GALNTL6: variants seen among roughly 807,000 people sequenced by gnomAD.
GALNTL6 encodes polypeptide N-acetylgalactosaminyltransferase like 6.
In GALNTL6, 46 loss-of-function variants were observed where a neutral mutation model predicts 73.7. The observed-to-expected ratio is 0.62, with a 90% CI of 0.49 to 0.80. The LOEUF (loss-of-function observed/expected upper bound fraction) is 0.80. GALNTL6 is among the 30% of genes least tolerant of loss of function. The pLI, the probability that GALNTL6 is intolerant of heterozygous loss-of-function variation, is 0.00. For missense variants in GALNTL6, 604 were observed against 755.0 expected, an observed-to-expected ratio of 0.80 and a Z score of 2.34; for synonymous variants, 259 against 263.7, an observed-to-expected ratio of 0.98 and a Z score of 0.17.
intron 7 of GALNTL6, among the ~76,000 whole-genome samples, chr4:172,814,756 G>C (rs1741505769): frequency 6.6e-6 from 1 of 152,090 alleles, no homozygotes; most frequent in South Asian, 2.1e-4. Context: ...TAATGATCAG[G>C]AAAATATTTC....
At chr4:171,874,061 G>A (rs1736208351) in intron 2 of GALNTL6, among the ~76,000 whole-genome samples, 1 of 152,116 alleles carries the variant, frequency 6.6e-6, no homozygotes, top group African/African-American at 2.4e-5. Flanking sequence ...CTGTTTTTTA[G>A]TTTCTGTCTA....
intron 5 of GALNTL6, among the ~76,000 whole-genome samples, chr4:172,474,077 A>G (rs1279509222): frequency 1.3e-5 from 2 of 152,058 alleles, no homozygotes; most frequent in African/African-American, 4.8e-5. Context: ...GATCCTGCAC[A>G]CAAGCCTACT....
chr4:171,994,239 C>A (rs573093341), intron 2 of GALNTL6, among the ~76,000 whole-genome samples: 1 of 152,154 alleles, frequency 6.6e-6, no homozygotes, highest in Admixed American at 6.6e-5. Flanking sequence ...ACTGTTGGAG[C>A]GGCCACTCAA....
In GALNTL6 at chr4:172,682,798, T is replaced by A. The variant is rs554970030; in HGVS notation, c.554-126563T>A. Among the ~76,000 whole-genome samples the A allele has an allele frequency of 2.0e-5, 3 of 152,154 alleles. No individual in the cohort carries two copies. The South Asian group carries it at 6.2e-4, about 32-fold the overall frequency. On this transcript the variant is annotated intron_variant, in intron 5 of 12. Coordinates refer to ENST00000506823, the MANE Select transcript of GALNTL6 (RefSeq NM_001034845.3). Reference sequence around the variant, plus strand: ...TTTTAACCTGGTCAGTTCCAGGAAGTATTGCAAACAGATTTTTATTTGGCC... The same window carrying A: ...TTTTAACCTGGTCAGTTCCAGGAAGAATTGCAAACAGATTTTTATTTGGCC...
intron 2 of GALNTL6, among the ~76,000 whole-genome samples, chr4:171,988,140 T>C (rs946227318): frequency 1.3e-5 from 2 of 152,170 alleles, no homozygotes; most frequent in African/African-American, 4.8e-5. Flanking sequence ...AGGGCTAGGC[T>C]AAAACAGTAG....
At chr4:172,719,831 G>T (rs763474025) in intron 5 of GALNTL6, among the ~76,000 whole-genome samples, 3 of 152,134 alleles carry the variant, frequency 2.0e-5, no homozygotes, top group Admixed American at 6.5e-5. Context: ...GAGCAGCCCC[G>T]AGGGCTGCTG....
intron 2 of GALNTL6, among the ~76,000 whole-genome samples, chr4:172,149,223 A>G (rs1487474821): frequency 6.6e-6 from 1 of 152,232 alleles, no homozygotes; most frequent in Non-Finnish European, 1.5e-5. Flanking sequence ...CAGTATATCT[A>G]TATAACAGAC....
chr4:172,414,001 A>C (rs1744535475), intron 5 of GALNTL6, among the ~76,000 whole-genome samples: 1 of 152,176 alleles, frequency 6.6e-6, no homozygotes, highest in South Asian at 2.1e-4. Context: ...ACTGAATCAC[A>C]GGGAAGTTCG....
intron 2 of GALNTL6, among the ~76,000 whole-genome samples, chr4:171,865,406 C>T (rs1395014100): frequency 6.6e-6 from 1 of 152,014 alleles, no homozygotes; most frequent in Non-Finnish European, 1.5e-5. Flanking sequence ...TGTAGAGGAA[C>T]TAATAGAAAA....
intron 5 of GALNTL6, among the ~76,000 whole-genome samples, chr4:172,709,702 A>G (rs1469607414): frequency 1.3e-5 from 2 of 152,218 alleles, no homozygotes; most frequent in African/African-American, 4.8e-5. Flanking sequence ...CTTTAAGATA[A>G]CTTAAAGACA....
intron 9 of GALNTL6, among the ~76,000 whole-genome samples, chr4:172,933,339 C>T (rs1001104091): frequency 6.6e-6 from 1 of 152,004 alleles, no homozygotes; most frequent in African/African-American, 2.4e-5. Context: ...CAGGGGAATG[C>T]TGTGCTGATC....
intron 8 of GALNTL6, among the ~76,000 whole-genome samples, chr4:172,924,846 T>G (rs1370536474): frequency 6.6e-6 from 1 of 152,082 alleles, no homozygotes; most frequent in Non-Finnish European, 1.5e-5. Context: ...AGAGGAATGG[T>G]ATGCTCAGAT....
chr4:172,673,414 G>A (rs996683493), intron 5 of GALNTL6, among the ~76,000 whole-genome samples: 1 of 152,314 alleles, frequency 6.6e-6, no homozygotes, highest in Admixed American at 6.5e-5. Flanking sequence ...TTTAGAGCAT[G>A]TACCATGTGG....
intron 5 of GALNTL6, among the ~76,000 whole-genome samples, chr4:172,733,684 C>T (rs192462878): frequency 6.2e-4 from 94 of 152,308 alleles, no homozygotes; most frequent in Non-Finnish European, 1.2e-3. Flanking sequence ...TTGCCTGCTG[C>T]CATGTAAGAT....
At chr4:172,780,075 T>G (rs570456918) in intron 5 of GALNTL6, among the ~76,000 whole-genome samples, 2 of 152,056 alleles carry the variant, frequency 1.3e-5, no homozygotes, top group South Asian at 4.1e-4. Context: ...AACAATAATT[T>G]TAAGGGTTGT....
intron 7 of GALNTL6, among the ~76,000 whole-genome samples, chr4:172,858,363 G>A (rs1171050146): frequency 6.6e-6 from 1 of 152,158 alleles, no homozygotes; most frequent in Non-Finnish European, 1.5e-5. Context: ...TAAGATCTGT[G>A]AGTAAATATA....
At chr4:172,344,739 A>G (rs1476393705) in intron 4 of GALNTL6, among the ~76,000 whole-genome samples, 1 of 152,168 alleles carries the variant, frequency 6.6e-6, no homozygotes, top group Admixed American at 6.5e-5. Flanking sequence ...AGTTAGTCAC[A>G]CTTCCTTCAG....
intron 7 of GALNTL6, among the ~76,000 whole-genome samples, chr4:172,875,315 C>T (rs575546541): frequency 4.6e-5 from 7 of 151,940 alleles, no homozygotes; most frequent in South Asian, 4.2e-4. Flanking sequence ...AATCTAAGGC[C>T]GCTTAGAAAT....
chr4:172,200,074 A>C (rs1437432496), intron 2 of GALNTL6, among the ~76,000 whole-genome samples: 1 of 152,178 alleles, frequency 6.6e-6, no homozygotes, highest in Admixed American at 6.5e-5. Context: ...GGGAAATGCA[A>C]TCACTAGCTA....
Sources: allele counts gnomAD v4.1 joint callset (sites outside exome capture counted in the v4.1 genomes callset), GRCh38; gene constraint gnomAD v4.1.1; transcripts MANE v1.5; gene names NCBI Gene and HGNC (gene_info 2026-07-23, HGNC 2026-07-21).